BLOC1S5: variants seen among roughly 807,000 people sequenced by gnomAD.
BLOC1S5 encodes biogenesis of lysosomal organelles complex 1 subunit 5.
Under a neutral mutation model 24.3 loss-of-function variants are expected in BLOC1S5, and 27 were observed. The ratio of observed to expected loss-of-function variants is 1.11; its 90% CI spans 0.82 to 1.53. BLOC1S5 has a LOEUF of 1.53. BLOC1S5 is among the 40% of genes most tolerant of loss of function. BLOC1S5 has a pLI of 0.00. For synonymous variants in BLOC1S5, 84 were observed against 74.5 expected (o/e 1.13, Z -0.66); for missense variants, 239 against 229.4 (o/e 1.04, Z -0.27).
Position 8,024,526 on chromosome 6 carries a change from A to AG in BLOC1S5, c.384+1840_384+1841insC, listed in dbSNP as rs552608781. Among the ~76,000 whole-genome samples the AG allele has an allele frequency of 1.1e-4, 17 of 151,318 alleles. No homozygotes were observed. In the South Asian group the frequency reaches 3.5e-3, roughly 32 times the overall value. On this transcript the variant is annotated intron_variant, in intron 4 of 4. Transcript: ENST00000397457. ...TGAGACTCCATCTCAAAAAAAAAAAAAAAAAAAAAGAAATGTACTTCATAT... is the reference window on the plus strand; with the variant it reads ...TGAGACTCCATCTCAAAAAAAAAAAAGAAAAAAAAAGAAATGTACTTCATAT...
At chr6:8,044,035 G>A (rs943329022) in intron 2 of BLOC1S5, among the ~76,000 whole-genome samples, 3 of 152,168 alleles carry the variant, frequency 2.0e-5, no homozygotes, top group African/African-American at 7.2e-5. Flanking sequence ...TGTAATCCCA[G>A]CACTTTGGGA....
chr6:8,062,736 C>A, intron 1 of BLOC1S5, 120 bp from the exon 2 acceptor site: 1 of 628,542 alleles, frequency 1.6e-6, no homozygotes, highest in Non-Finnish European at 2.7e-6. Flanking sequence ...AGACTATGGA[C>A]TAAGAAGAAA....
intron 2 of BLOC1S5, among the ~76,000 whole-genome samples, chr6:8,043,497 G>C (rs1327982029): frequency 6.6e-6 from 1 of 152,032 alleles, no homozygotes; most frequent in Non-Finnish European, 1.5e-5. Context: ...TGGATACCTA[G>C]CCAGTACTCA....
chr6:8,025,759 T>C (rs1467409959), intron 4 of BLOC1S5, among the ~76,000 whole-genome samples: 1 of 152,162 alleles, frequency 6.6e-6, no homozygotes, highest in Non-Finnish European at 1.5e-5. Context: ...CTTTTCAATG[T>C]TTCTTAATAA....
At chr6:8,051,113 G>T (rs1561868688) in intron 2 of BLOC1S5, among the ~76,000 whole-genome samples, 1 of 151,864 alleles carries the variant, frequency 6.6e-6, no homozygotes, top group Non-Finnish European at 1.5e-5. Flanking sequence ...GCTTGAACCT[G>T]GGAGGTGGAG....
At chr6:8,047,158 T>TCACA (rs1431175705) in intron 2 of BLOC1S5, among the ~76,000 whole-genome samples, 56 of 58,044 alleles carry the variant, frequency 9.6e-4, no homozygotes, top group Non-Finnish European at 1.5e-3. Flanking sequence ...TCTCTCTCTC[T>TCACA]CTCACACACA....
At chr6:8,057,255 A>C (rs897077702) in intron 2 of BLOC1S5, among the ~76,000 whole-genome samples, 5 of 151,792 alleles carry the variant, frequency 3.3e-5, no homozygotes, top group African/African-American at 1.2e-4. Flanking sequence ...AGACAAAAAA[A>C]CCCCAAAAAA....
intron 2 of BLOC1S5, among the ~76,000 whole-genome samples, chr6:8,049,885 A>G (rs751781547): frequency 1.7e-4 from 26 of 151,758 alleles, no homozygotes; most frequent in Non-Finnish European, 1.0e-4. Context: ...CAATTTTTGT[A>G]TTCTTTGTAG....
At chr6:8,026,180 T>G (rs1763096584) in intron 4 of BLOC1S5, among the ~76,000 whole-genome samples, 187 bp downstream of exon 4, 1 of 152,230 alleles carries the variant, frequency 6.6e-6, no homozygotes, top group Non-Finnish European at 1.5e-5. Context: ...AAGAGAGTTC[T>G]GCAATTTCAA....
At chr6:8,023,368 A>G (rs1762991892) in intron 4 of BLOC1S5, among the ~76,000 whole-genome samples, 2 of 152,310 alleles carry the variant, frequency 1.3e-5, no homozygotes, top group South Asian at 4.1e-4. Flanking sequence ...TTGTCTTGAC[A>G]TAAAAGAATT....
intron 3 of BLOC1S5, chr6:8,027,285 C>T (rs1399792924): frequency 2.2e-6 from 1 of 454,312 alleles, no homozygotes; most frequent in Non-Finnish European, 4.4e-6. Context: ...TGTGAATGAT[C>T]TTGGGCATGT....
intron 2 of BLOC1S5, among the ~76,000 whole-genome samples, chr6:8,053,670 G>A (rs570643877): frequency 6.6e-6 from 1 of 152,122 alleles, no homozygotes; most frequent in Non-Finnish European, 1.5e-5. Flanking sequence ...GCAGAGGCCT[G>A]TAACCAAACC....
At chr6:8,048,750 C>T (rs7758799) in intron 2 of BLOC1S5, among the ~76,000 whole-genome samples, 4,840 of 152,172 alleles carry the variant, frequency 0.032, 242 homozygotes, top group African/African-American at 0.11. Flanking sequence ...CGGTGGCTCA[C>T]GCCTGTAATC....
chr6:8,054,771 C>T (rs140807786), intron 2 of BLOC1S5, among the ~76,000 whole-genome samples: 1 of 152,278 alleles, frequency 6.6e-6, no homozygotes, highest in Non-Finnish European at 1.5e-5. Context: ...TAGTAGTGTG[C>T]CCTTCAATAT....
At chr6:8,026,149 T>C (rs990885508) in intron 4 of BLOC1S5, among the ~76,000 whole-genome samples, 20 of 152,200 alleles carry the variant, frequency 1.3e-4, no homozygotes, top group African/African-American at 4.6e-4. Flanking sequence ...AGGGAAAAGA[T>C]GGAAATGTTG....
At chr6:8,063,802 A>G (rs2743989) in intron 1 of BLOC1S5, among the ~76,000 whole-genome samples, 104,674 of 152,086 alleles carry the variant, frequency 0.69, 36,523 homozygotes, top group East Asian at 1. Flanking sequence ...GGTTCTTTAC[A>G]GTGCTATAGA....
chr6:8,016,710 T>C (rs1489005422), intron 4 of BLOC1S5, among the ~76,000 whole-genome samples: 4 of 151,678 alleles, frequency 2.6e-5, no homozygotes, highest in African/African-American at 9.7e-5. Context: ...CTACTAAAAA[T>C]ATAAAAATTA....
Position 8,015,527 on chromosome 6 carries a change from A to G in BLOC1S5, c.*122T>C, listed in dbSNP as rs756306178. On this transcript the variant is annotated 3_prime_UTR_variant, in exon 5 of 5. Coordinates refer to ENST00000397457, the MANE Select transcript of BLOC1S5 (RefSeq NM_201280.3). The stretch of plus-strand genomic sequence containing the variant: ...CCAGTAGAAACTTCTTTCTTCTGAT[A>G]TAAGAGTGCCACTGAATATATTGCT... 19 of 985,940 alleles carry G rather than the reference A, an allele frequency of 1.9e-5. No homozygotes were observed. Among genetic ancestry groups the G allele is most frequent in the Non-Finnish European group, 2.5e-5 (17 of 682,576 alleles). The allele number at this position is 985,940 out of a possible 1,614,324, so 61.1% of individuals were successfully genotyped here.
At chr6:8,047,160 TCACACACACACACACA>T (rs57923927) in intron 2 of BLOC1S5, among the ~76,000 whole-genome samples, 10 of 126,948 alleles carry the variant, frequency 7.9e-5, no homozygotes, top group African/African-American at 1.3e-4. Context: ...TCTCTCTCTC[TCACACACACACACACA>T]CACACACACA....
Sources: gnomAD v4.1 joint callset for allele counts (sites outside exome capture counted in the v4.1 genomes callset) on GRCh38, gnomAD v4.1.1 for gene constraint, MANE v1.5 for transcripts, NCBI Gene and HGNC (gene_info 2026-07-23, HGNC 2026-07-21) for gene names.